Variants in HMGCLL1 observed in about 807,000 individuals in gnomAD.
The protein encoded by HMGCLL1 is 3-hydroxy-3-methylglutaryl-CoA lyase like 1, also known as 3-hydroxymethyl-3-methylglutaryl-CoA lyase, cytoplasmic.
Under a neutral mutation model 39.1 loss-of-function variants are expected in HMGCLL1, and 36 were observed. That is an observed-to-expected ratio of 0.92 (90% confidence interval 0.71 to 1.22). HMGCLL1 has a LOEUF of 1.22. Among genes scored for constraint, HMGCLL1 ranks in the 50% most tolerant of loss-of-function variants. The pLI is 0.00. For missense variants in HMGCLL1, 451 were observed against 416.5 expected (o/e 1.08, Z -0.72); for synonymous variants, 149 against 144.0 (o/e 1.03, Z -0.25).
chr6:55,436,278 A>G (rs1763370543), intron 8 of HMGCLL1, among the ~76,000 whole-genome samples: 1 of 152,036 alleles, frequency 6.6e-6, no homozygotes, highest in South Asian at 2.1e-4. Flanking sequence ...TATTACTAGT[A>G]TGATATTGAA....
rs778695402 is a variant in HMGCLL1, at chr6:55,579,104, A to T, written c.-49T>A. The T allele has an allele frequency of 7.1e-7, 1 of 1,410,022 alleles. No homozygotes were observed. The highest frequency in any genetic ancestry group is 9.9e-7 in the Non-Finnish European group (1 of 1,011,508). 87.3% of individuals were successfully genotyped at this position (1,410,022 alleles called of 1,614,324 possible). A position where few individuals can be genotyped will look rare whatever the true frequency, so the allele number is the denominator to read the frequency against. On this transcript the variant is annotated 5_prime_UTR_variant, in exon 1 of 9. Transcript: ENST00000274901. Reference sequence around the variant, plus strand: ...GCGAGGGGAGGGAGACTGGAGGAGGATGAGGGGCGGGCACCGCGCTGGGAA... The same window carrying T: ...GCGAGGGGAGGGAGACTGGAGGAGGTTGAGGGGCGGGCACCGCGCTGGGAA...
At chr6:55,605,226 A>G in the HMGCLL1 span, among the ~76,000 whole-genome samples, 1 of 152,050 alleles carries the variant, frequency 6.6e-6, no homozygotes, top group Admixed American at 6.6e-5. Flanking sequence ...AGATGGGCTA[A>G]CTCTGCCTGT....
chr6:55,460,059 C>T (rs1764490276), intron 7 of HMGCLL1, among the ~76,000 whole-genome samples: 1 of 151,750 alleles, frequency 6.6e-6, no homozygotes, highest in African/African-American at 2.4e-5. Flanking sequence ...AGGCTGGTAC[C>T]TAATCTTTTA....
chr6:55,549,772 T>C (rs1263311551), intron 1 of HMGCLL1, among the ~76,000 whole-genome samples: 1 of 151,918 alleles, frequency 6.6e-6, no homozygotes, highest in African/African-American at 2.4e-5. Flanking sequence ...CATTACTTTT[T>C]TTTTGTTATG....
At chr6:55,516,473 C>G (rs921800443) in intron 4 of HMGCLL1, 35 bp downstream of exon 4, 2 of 1,282,050 alleles carry the variant, frequency 1.6e-6, no homozygotes, top group African/African-American at 2.9e-5. Context: ...CGATAAGAGG[C>G]CTATCAATTT....
the HMGCLL1 span, among the ~76,000 whole-genome samples, chr6:55,597,439 A>G: frequency 1.2e-4 from 19 of 152,144 alleles, no homozygotes; most frequent in African/African-American, 4.6e-4. Context: ...AATTAATCCC[A>G]GATTTTCATA....
At chr6:55,525,243 G>GA (rs1024798940) in intron 3 of HMGCLL1, among the ~76,000 whole-genome samples, 2 of 151,386 alleles carry the variant, frequency 1.3e-5, no homozygotes, top group African/African-American at 4.8e-5. Context: ...GAGGCATAAT[G>GA]AAAAAAAGGA....
At chr6:55,452,100 A>G (rs536812057) in intron 7 of HMGCLL1, among the ~76,000 whole-genome samples, 98 of 152,344 alleles carry the variant, frequency 6.4e-4, no homozygotes, top group African/African-American at 2.2e-3. Flanking sequence ...CCTATATATT[A>G]TAAAAACTGA....
At chr6:55,529,188 A>G (rs1768496084) in intron 3 of HMGCLL1, among the ~76,000 whole-genome samples, 1 of 152,142 alleles carries the variant, frequency 6.6e-6, no homozygotes, top group Admixed American at 6.6e-5. Context: ...AAGTAGGGCA[A>G]GAAGTCTCAA....
chr6:55,537,500 A>G (rs1769101319), intron 3 of HMGCLL1, among the ~76,000 whole-genome samples: 1 of 152,214 alleles, frequency 6.6e-6, no homozygotes. Flanking sequence ...AAGGCTAGTT[A>G]TCAGAAAAGG....
At chr6:55,440,419 A>C (rs984710229) in intron 7 of HMGCLL1, among the ~76,000 whole-genome samples, 2 of 152,162 alleles carry the variant, frequency 1.3e-5, no homozygotes, top group African/African-American at 4.8e-5. Context: ...GAGATTTGGT[A>C]CATGATTATG....
At chr6:55,644,312 G>T in the HMGCLL1 span, among the ~76,000 whole-genome samples, 1 of 151,904 alleles carries the variant, frequency 6.6e-6, no homozygotes, top group Non-Finnish European at 1.5e-5. Flanking sequence ...TTGTCAGATA[G>T]GTAGTTTGGA....
At chr6:55,443,490 T>C (rs1188571198) in intron 7 of HMGCLL1, among the ~76,000 whole-genome samples, 1 of 152,144 alleles carries the variant, frequency 6.6e-6, no homozygotes, top group Non-Finnish European at 1.5e-5. Context: ...GTTTTTAGTC[T>C]TAATTGGCCT....
At chr6:55,530,039 A>T (rs1465874409) in intron 3 of HMGCLL1, among the ~76,000 whole-genome samples, 1 of 144,894 alleles carries the variant, frequency 6.9e-6, no homozygotes, top group Non-Finnish European at 1.5e-5. Context: ...TAAAAACCTC[A>T]GAAAACCTGA....
chr6:55,535,575 G>A (rs1768969290), intron 3 of HMGCLL1, among the ~76,000 whole-genome samples: 1 of 152,032 alleles, frequency 6.6e-6, no homozygotes, highest in Non-Finnish European at 1.5e-5. Context: ...TTTAAGTCAG[G>A]CTCATTTGGA....
intron 3 of HMGCLL1, among the ~76,000 whole-genome samples, chr6:55,537,377 A>C (rs1337112270): frequency 6.6e-6 from 1 of 152,222 alleles, no homozygotes; most frequent in African/African-American, 2.4e-5. Context: ...GATGAATATT[A>C]AAGTAAAATA....
chr6:55,653,378 A>C, the HMGCLL1 span, among the ~76,000 whole-genome samples: 1 of 152,062 alleles, frequency 6.6e-6, no homozygotes, highest in African/African-American at 2.4e-5. Context: ...GATTGTATGA[A>C]ACCTAGAACA....
chr6:55,635,658 T>C, the HMGCLL1 span, among the ~76,000 whole-genome samples: 14 of 152,288 alleles, frequency 9.2e-5, no homozygotes, highest in African/African-American at 3.4e-4. Flanking sequence ...TGCTGCATTA[T>C]ATTGAATAAT....
At chr6:55,603,793 G>T in the HMGCLL1 span, among the ~76,000 whole-genome samples, 1 of 152,106 alleles carries the variant, frequency 6.6e-6, no homozygotes, top group South Asian at 2.1e-4. Context: ...TAAAATGTAT[G>T]TATGAAAAAT....
Sources: gnomAD v4.1 joint callset for allele counts (sites outside exome capture counted in the v4.1 genomes callset) on GRCh38, gnomAD v4.1.1 for gene constraint, MANE v1.5 for transcripts, NCBI Gene and HGNC (gene_info 2026-07-23, HGNC 2026-07-21) for gene names.